The following MAP4 variants were observed in gnomAD, a reference collection of about 807,000 sequenced individuals.
MAP4 encodes microtubule associated protein 4.
In MAP4, 76 loss-of-function variants were observed where a neutral mutation model predicts 170.2. The observed-to-expected ratio is 0.45, with a 90% CI of 0.37 to 0.54. The LOEUF is 0.54. Among genes scored for constraint, MAP4 ranks in the 20% least tolerant of loss-of-function variants. The pLI is 0.00. For missense variants in MAP4, 2,506 were observed against 2,748.0 expected, an observed-to-expected ratio of 0.91 and a Z score of 1.97; for synonymous variants, 909 against 994.5, an observed-to-expected ratio of 0.91 and a Z score of 1.62.
chr3:48,013,496 T>G (rs1009386837), intron 1 of MAP4: 2 of 152,132 alleles, frequency 1.3e-5, no homozygotes, highest in African/African-American at 4.8e-5. Context: ...ATGAGTCACC[T>G]TTCAGGGCTG....
chr3:47,866,062 GGC>G (rs1380461914), intron 17 of MAP4, among the ~76,000 whole-genome samples: 1 of 152,180 alleles, frequency 6.6e-6, no homozygotes, highest in Non-Finnish European at 1.5e-5. Context: ...GGAAAGTCTG[GGC>G]GCAGTGGCTC....
chr3:48,023,030 G>C (rs1422461106), intron 1 of MAP4, among the ~76,000 whole-genome samples: 1 of 152,112 alleles, frequency 6.6e-6, no homozygotes, highest in Admixed American at 6.6e-5. Flanking sequence ...GCCTACAAGA[G>C]AAATGAAATG....
intron 9 of MAP4, among the ~76,000 whole-genome samples, chr3:47,908,473 C>T (rs568353502): frequency 2.6e-5 from 4 of 152,170 alleles, no homozygotes; most frequent in South Asian, 2.1e-4. Flanking sequence ...TTTCCCATTA[C>T]TAGAAACACA....
intron 11 of MAP4, 118 bp downstream of exon 11, chr3:47,877,299 G>A: frequency 2.7e-6 from 2 of 747,166 alleles, no homozygotes. Flanking sequence ...CCAAACATGA[G>A]GAAGGACAAT....
intron 1 of MAP4, among the ~76,000 whole-genome samples, chr3:48,064,982 T>C (rs1357541647): frequency 6.6e-6 from 1 of 151,878 alleles, no homozygotes; most frequent in Non-Finnish European, 1.5e-5. Flanking sequence ...AGAAAAAAAA[T>C]TGCCAGCCTT....
intron 2 of MAP4, among the ~76,000 whole-genome samples, chr3:47,996,977 T>C (rs1403667051): frequency 6.6e-6 from 1 of 151,990 alleles, no homozygotes; most frequent in Non-Finnish European, 1.5e-5. Flanking sequence ...CTAAAGTAGA[T>C]AATGCCACTG....
intron 1 of MAP4, among the ~76,000 whole-genome samples, chr3:48,056,669 G>A (rs2100131945): frequency 2.4e-5 from 3 of 123,258 alleles, no homozygotes; most frequent in African/African-American, 1.1e-4. Flanking sequence ...GGAGGTGGGG[G>A]GGTCAGCCCT....
intron 17 of MAP4, among the ~76,000 whole-genome samples, chr3:47,866,295 C>A (rs1304445736): frequency 6.6e-6 from 1 of 151,590 alleles, no homozygotes; most frequent in Non-Finnish European, 1.5e-5. Context: ...TGAGATCACA[C>A]CACTGCACGC....
At chr3:48,014,363 A>G (rs2100106751) in intron 1 of MAP4, among the ~76,000 whole-genome samples, 2 of 152,208 alleles carry the variant, frequency 1.3e-5, no homozygotes, top group Non-Finnish European at 2.9e-5. Flanking sequence ...TGGTTTACCA[A>G]TGGCCTGTTG....
At chr3:47,936,055 A>G (rs2100052632) in intron 3 of MAP4, among the ~76,000 whole-genome samples, 1 of 152,024 alleles carries the variant, frequency 6.6e-6, no homozygotes, top group Admixed American at 6.6e-5. Flanking sequence ...CCTGAAAGAC[A>G]CTGCCTAAGA....
At chr3:47,992,334 C>T (rs780181350) in intron 2 of MAP4, among the ~76,000 whole-genome samples, 2 of 152,152 alleles carry the variant, frequency 1.3e-5, no homozygotes, top group Non-Finnish European at 2.9e-5. Flanking sequence ...ACAGCCATCA[C>T]CCCTTCCTTT....
At position 47,909,794 on chromosome 3, in the gene MAP4, T is replaced by A. The variant is rs1488921509; in HGVS notation, c.4627A>T (p.Ile1543Phe). The part of the protein sequence containing the change: ...LADSMKNEAG[I>F]DEGHVIGESE... ...TCTCCTATCACATGCCCTTCATCGA[T>A]CCCTGCTTCATTTTTCATGGAATCA... is the stretch of plus-strand genomic sequence containing the variant. The change falls in exon 9 of 21, where the codon ATC (isoleucine) becomes TTC (phenylalanine). Residue 1543 changes from isoleucine (I) to phenylalanine (F), a missense_variant. This residue lies in a region of MAP4 where 2,008 missense variants were observed against 2,206.0 expected (regional missense o/e 0.91). Coordinates refer to ENST00000683076, the MANE Select transcript of MAP4 (RefSeq NM_001385682.1). 1 of 1,613,944 alleles carries A rather than the reference T, an allele frequency of 6.2e-7. No individual in the cohort carries two copies. The highest frequency in any genetic ancestry group is 1.3e-5 in the African/African-American group (1 of 74,932).
intron 1 of MAP4, among the ~76,000 whole-genome samples, chr3:48,059,983 A>AC (rs2100134359): frequency 6.6e-6 from 1 of 152,072 alleles, no homozygotes; most frequent in Admixed American, 6.5e-5. Flanking sequence ...AAAAAAAAAA[A>AC]AAAACTTTTG....
At chr3:47,893,004 A>G (rs1381767162) in intron 10 of MAP4, among the ~76,000 whole-genome samples, 1 of 149,334 alleles carries the variant, frequency 6.7e-6, no homozygotes, top group African/African-American at 2.5e-5. Context: ...CAATGAATCC[A>G]GGAAATTGTT....
intron 10 of MAP4, among the ~76,000 whole-genome samples, chr3:47,899,813 AT>A (rs1200988150): frequency 1.3e-5 from 2 of 152,196 alleles, no homozygotes; most frequent in Non-Finnish European, 2.9e-5. Flanking sequence ...TGAGCTAAAT[AT>A]TGTGAAGTTC....
intron 12 of MAP4, among the ~76,000 whole-genome samples, chr3:47,873,717 A>G (rs994943080): frequency 6.6e-6 from 1 of 152,178 alleles, no homozygotes; most frequent in African/African-American, 2.4e-5. Context: ...TGAGGACTAA[A>G]CCAGATGCTC....
chr3:48,010,636 A>C (rs1324936314), intron 1 of MAP4, among the ~76,000 whole-genome samples: 1 of 152,128 alleles, frequency 6.6e-6, no homozygotes, highest in African/African-American at 2.4e-5. Context: ...TAATACTGTC[A>C]ACTTGATTGG....
intron 10 of MAP4, among the ~76,000 whole-genome samples, chr3:47,901,154 G>A (rs544075749): frequency 3.3e-5 from 5 of 152,124 alleles, no homozygotes; most frequent in Non-Finnish European, 7.4e-5. Context: ...TCTAGGTCTT[G>A]TAGGAAAACT....
At chr3:48,015,589 G>A (rs1466800408) in intron 1 of MAP4, among the ~76,000 whole-genome samples, 1 of 152,038 alleles carries the variant, frequency 6.6e-6, no homozygotes, top group Non-Finnish European at 1.5e-5. Flanking sequence ...TGCCTAGCAG[G>A]TTTTTAGTTA....
Sources: allele counts gnomAD v4.1 joint callset (sites outside exome capture counted in the v4.1 genomes callset), GRCh38; gene constraint gnomAD v4.1.1; regional missense constraint gnomAD v4.1.1; transcripts MANE v1.5; gene names NCBI Gene and HGNC (gene_info 2026-07-23, HGNC 2026-07-21).